ALS2: variants seen among roughly 807,000 people sequenced by gnomAD.
The protein encoded by ALS2 is alsin Rho guanine nucleotide exchange factor ALS2, also known as alsin.
A neutral mutation model predicts 203.4 loss-of-function variants in ALS2; 117 were observed. The observed-to-expected ratio is 0.58, with a 90% CI of 0.50 to 0.67. ALS2 has a LOEUF of 0.67. Among genes scored for constraint, ALS2 ranks in the 30% least tolerant of loss-of-function variants. The pLI is 0.00. For missense variants in ALS2, 1,715 were observed against 1,989.4 expected (o/e 0.86, Z 2.62); for synonymous variants, 718 against 725.9 (o/e 0.99, Z 0.17).
In ALS2 at chr2:201,712,718, A is replaced by G. The variant is rs190292884; in HGVS notation, c.4005-1610T>C. On this transcript the variant is annotated intron_variant, in intron 25 of 33. Transcript: ENST00000264276. ...CTTGTGGGAGTTACTGGTCAAGTTA[A>G]AGAAGAAAGGCAGATGGAGAAAAGC... Among the ~76,000 whole-genome samples the G allele has an allele frequency of 7.2e-3, 1,102 of 152,100 alleles. 23 individuals carry two copies. The highest frequency in any genetic ancestry group is 0.025 in the African/African-American group (1,026 of 41,474).
intron 1 of ALS2, among the ~76,000 whole-genome samples, chr2:201,776,999 C>T (rs183510789): frequency 6.6e-6 from 1 of 152,262 alleles, no homozygotes; most frequent in East Asian, 1.9e-4. Flanking sequence ...CTTTGAGCAA[C>T]AACTGGGATA....
chr2:201,759,128 T>C (rs986693199), intron 4 of ALS2, among the ~76,000 whole-genome samples: 1 of 152,176 alleles, frequency 6.6e-6, no homozygotes, highest in African/African-American at 2.4e-5. Context: ...TCTTAACCAC[T>C]AGGTACAGCA....
In ALS2 at chr2:201,772,659, A is replaced by T. The variant is rs574379335; in HGVS notation, c.-60-3714T>A. 2.0e-5 allele frequency among the ~76,000 whole-genome samples: 3 copies of T among 152,312 alleles called. No homozygotes were observed. In the South Asian group the frequency reaches 6.2e-4, roughly 32 times the overall value. On this transcript the variant is annotated intron_variant, in intron 1 of 33. Coordinates refer to ENST00000264276, the MANE Select transcript of ALS2 (RefSeq NM_020919.4). ...GAATTCCAAAATGCACCTTGCCCCA[A>T]GGGTTTTGAATAAAGGACCAGGAAT...
chr2:201,709,800 A>G, intron 27 of ALS2, 81 bp downstream of exon 27: 1 of 1,554,042 alleles, frequency 6.4e-7, no homozygotes, highest in Non-Finnish European at 8.8e-7. Context: ...TATTTTCTTG[A>G]TGATTCAGGG....
At chr2:201,778,154 C>G (rs140835235) in intron 1 of ALS2, among the ~76,000 whole-genome samples, 28 of 152,178 alleles carry the variant, frequency 1.8e-4, no homozygotes, top group Non-Finnish European at 2.9e-4. Context: ...CCACTCCCTT[C>G]CTGATAGGGA....
rs1429775734 is a variant in ALS2, at chr2:201,761,627, A to G, written c.367T>C (p.Cys123Arg). The change falls in exon 4 of 34, where the codon TGT (cysteine) becomes CGT (arginine). Residue 123 changes from cysteine (C) to arginine (R), a missense_variant. Transcript: ENST00000264276. ...YMWGENSAGQ[C>R]AVANQQYVPE... ...ACATACTGCTGGTTGGCTACTGCACACTGGCCAGCAGAATTCTCTCCCCAC... is the reference window on the plus strand; with the variant it reads ...ACATACTGCTGGTTGGCTACTGCACGCTGGCCAGCAGAATTCTCTCCCCAC... 1.2e-6 allele frequency: 2 copies of G among 1,614,048 alleles called. No homozygotes were observed. The highest frequency in any genetic ancestry group is 1.7e-6 in the Non-Finnish European group (2 of 1,180,028).
intron 4 of ALS2, among the ~76,000 whole-genome samples, chr2:201,759,203 T>G (rs1693604043): frequency 6.6e-6 from 1 of 152,158 alleles, no homozygotes; most frequent in South Asian, 2.1e-4. Context: ...TTCTACTTAA[T>G]TATATTTAAA....
rs1692927436 is a variant in ALS2, at chr2:201,749,927, T to C, written c.1738-138A>G. 4.1e-6 allele frequency: 3 copies of C among 726,908 alleles called. No individual in the cohort carries two copies. The East Asian group carries it at 8.2e-5, about 20-fold the overall frequency. The allele number at this position is 726,908 out of a possible 1,614,324, so 45.0% of individuals were successfully genotyped here. On this transcript the variant is annotated intron_variant, in intron 7 of 33. Coordinates refer to ENST00000264276, the MANE Select transcript of ALS2 (RefSeq NM_020919.4). ...AAGTACTTATATTAGTCTTTCACTC[T>C]TTAACAGATATTAAGGAAATTCATT...
chr2:201,758,740 T>C (rs1032226097), intron 4 of ALS2, among the ~76,000 whole-genome samples: 4 of 143,152 alleles, frequency 2.8e-5, no homozygotes, highest in Admixed American at 7.3e-5. Flanking sequence ...AAAATACAAA[T>C]ATAATGTGTG....
chr2:201,735,622 T>C (rs1002684068), intron 12 of ALS2, among the ~76,000 whole-genome samples: 3 of 152,246 alleles, frequency 2.0e-5, no homozygotes, highest in Non-Finnish European at 2.9e-5. Flanking sequence ...AAAGATGTCA[T>C]TGCTGCCTTT....
intron 4 of ALS2, among the ~76,000 whole-genome samples, chr2:201,758,076 A>T (rs960610645): frequency 6.6e-6 from 1 of 152,212 alleles, no homozygotes; most frequent in Non-Finnish European, 1.5e-5. Flanking sequence ...GGGAGAAGAA[A>T]AGGCATGGAA....
intron 1 of ALS2, among the ~76,000 whole-genome samples, chr2:201,775,599 C>T (rs1345298015): frequency 1.3e-5 from 2 of 152,116 alleles, no homozygotes; most frequent in Non-Finnish European, 2.9e-5. Context: ...CTGAAGCCTT[C>T]CCAACCACTG....
intron 29 of ALS2, among the ~76,000 whole-genome samples, chr2:201,706,040 G>A (rs1451583803): frequency 2.0e-5 from 3 of 151,996 alleles, no homozygotes; most frequent in Non-Finnish European, 4.4e-5. Flanking sequence ...GCCCTAGAAA[G>A]AAAACATAAT....
At position 201,767,234 on chromosome 2, in the gene ALS2, G is replaced by C. The variant is rs779712596; in HGVS notation, c.170C>G (p.Thr57Ser). 2.0e-5 allele frequency: 33 copies of C among 1,613,948 alleles called. No individual in the cohort carries two copies. In the South Asian group the frequency reaches 3.4e-4, roughly 17 times the overall value. ...TACGCCATTCTTTTCATTACCTTCA[G>C]TCAGAAGAACTCCATGTTTCACTCC... Reference protein sequence around the residue: ...ALGVKHGVLLTEDGEVYSFGT... With the variant: ...ALGVKHGVLLSEDGEVYSFGT... The change falls in exon 3 of 34, where the codon ACT becomes AGT. Residue 57 changes from threonine (T) to serine (S), a missense_variant. Physicochemically the swap from Thr to Ser is moderately conservative, Grantham distance 58 (BLOSUM62 1). Transcript: ENST00000264276.
chr2:201,737,900 T>C (rs4675224), intron 12 of ALS2, among the ~76,000 whole-genome samples: 85,028 of 151,460 alleles, frequency 0.56, 26,551 homozygotes, highest in Admixed American at 0.72. Context: ...CCAGCCTGGA[T>C]GACAGAGCGA....
At chr2:201,742,266 G>T (rs548528725) in intron 10 of ALS2, among the ~76,000 whole-genome samples, 13 of 152,318 alleles carry the variant, frequency 8.5e-5, no homozygotes, top group Admixed American at 7.8e-4. Flanking sequence ...CTCACTTGGG[G>T]AGTTATATCT....
rs752899793 is a variant in ALS2 at position 201,761,514 on chromosome 2, C to G, written c.480G>C (p.Glu160Asp). The change falls in exon 4 of 34, where the codon GAG (glutamate) becomes GAC (aspartate). Residue 160 changes from glutamate to aspartate, a missense_variant. This residue lies in a region of ALS2 where 476 missense variants were observed against 539.3 expected (regional missense o/e 0.88). Transcript: ENST00000264276. The part of the protein sequence containing the change: ...VRILQLACGE[E>D]HTLALSISRE... The stretch of plus-strand genomic sequence containing the variant: ...TGCTTATTGACAATGCCAGAGTGTG[C>G]TCCTCGCCACACGCCAACTGTAAAA... 6.2e-7 allele frequency: 1 copy of G among 1,613,734 alleles called. No homozygotes were observed. The highest frequency in any genetic ancestry group is 1.3e-5 in the African/African-American group (1 of 74,908).
intron 5 of ALS2, 21 bp downstream of exon 5, chr2:201,757,381 A>G (rs1204623217): frequency 6.2e-7 from 1 of 1,603,954 alleles, no homozygotes; most frequent in Non-Finnish European, 8.5e-7. Context: ...GTCAATTCAC[A>G]AAACCTAGTT....
chr2:201,730,855 C>T (rs1303053412), intron 13 of ALS2, among the ~76,000 whole-genome samples: 1 of 152,372 alleles, frequency 6.6e-6, no homozygotes, highest in East Asian at 1.9e-4. Flanking sequence ...TAGTCTGGTG[C>T]CACTGCCTTG....
Sources: allele counts gnomAD v4.1 joint callset (sites outside exome capture counted in the v4.1 genomes callset), GRCh38; gene constraint gnomAD v4.1.1; regional missense constraint gnomAD v4.1.1; transcripts MANE v1.5; gene names NCBI Gene and HGNC (gene_info 2026-07-23, HGNC 2026-07-21).